Variants in VDAC1 observed in about 807,000 individuals in gnomAD.
VDAC1 encodes non-selective voltage-gated ion channel VDAC1.
A neutral mutation model predicts 34.7 loss-of-function variants in VDAC1; 10 were observed. That is an observed-to-expected ratio of 0.29 (90% confidence interval 0.18 to 0.49). The LOEUF (loss-of-function observed/expected upper bound fraction) is 0.49, where lower values mean the gene tolerates loss of function less well. Ranked by LOEUF, VDAC1 falls within the 20% of genes least tolerant of loss-of-function variation. The pLI is 0.99. For missense variants in VDAC1, 230 were observed against 347.9 expected, an observed-to-expected ratio of 0.66 and a Z score of 2.69; for synonymous variants, 130 against 136.0, an observed-to-expected ratio of 0.96 and a Z score of 0.30.
At chr5:134,105,249 G>A in the VDAC1 span, among the ~76,000 whole-genome samples, 1 of 152,162 alleles carries the variant, frequency 6.6e-6, no homozygotes, top group South Asian at 2.1e-4. Context: ...GTTAAAGGAG[G>A]CCAGGGGAGG....
the VDAC1 span, among the ~76,000 whole-genome samples, chr5:134,079,629 G>A: frequency 6.6e-6 from 1 of 152,206 alleles, no homozygotes; most frequent in Non-Finnish European, 1.5e-5. Flanking sequence ...ATCTAAATTA[G>A]TTGGAGACCT....
intron 6 of VDAC1, among the ~76,000 whole-genome samples, chr5:133,978,106 G>A (rs565927163): frequency 2.2e-4 from 34 of 151,916 alleles, no homozygotes; most frequent in African/African-American, 6.3e-4. Flanking sequence ...CAGGACCTAA[G>A]AACAAAAACT....
intron 6 of VDAC1, 40 bp downstream of exon 6, chr5:133,980,689 A>ACC: frequency 1.8e-6 from 1 of 564,058 alleles, no homozygotes; most frequent in Non-Finnish European, 3.4e-6. Context: ...ACATGCTCCA[A>ACC]CCCCACCCCT....
chr5:134,058,933 C>T, the VDAC1 span, among the ~76,000 whole-genome samples: 1 of 152,234 alleles, frequency 6.6e-6, no homozygotes, highest in African/African-American at 2.4e-5. Flanking sequence ...TCCACCCAGC[C>T]ATCAAGGGTG....
the VDAC1 span, among the ~76,000 whole-genome samples, chr5:134,072,968 C>T: frequency 5.3e-5 from 8 of 152,264 alleles, no homozygotes; most frequent in South Asian, 4.1e-4. Context: ...CATTTAGCTC[C>T]AAAGGGAAGA....
chr5:133,990,292 T>C (rs530842463), intron 5 of VDAC1, among the ~76,000 whole-genome samples: 7 of 152,200 alleles, frequency 4.6e-5, no homozygotes, highest in Non-Finnish European at 8.8e-5. Context: ...GGAGAAGGAC[T>C]TCCATGCCTG....
the VDAC1 span, among the ~76,000 whole-genome samples, chr5:134,025,374 T>C: frequency 6.6e-6 from 1 of 152,096 alleles, no homozygotes; most frequent in South Asian, 2.1e-4. Context: ...TTCACCCCCA[T>C]GAGTCAAACA....
chr5:134,020,086 G>T, the VDAC1 span, among the ~76,000 whole-genome samples: 29 of 152,050 alleles, frequency 1.9e-4, no homozygotes, highest in African/African-American at 6.5e-4. Context: ...GAGAGACTGT[G>T]TGGGGAGGGG....
intron 6 of VDAC1, among the ~76,000 whole-genome samples, chr5:133,977,841 T>C (rs1334827225): frequency 6.6e-6 from 1 of 152,170 alleles, no homozygotes; most frequent in African/African-American, 2.4e-5. Context: ...TCTGTACTGT[T>C]TGATTTTACA....
chr5:134,012,761 CAAA>C, the VDAC1 span, among the ~76,000 whole-genome samples: 1 of 151,452 alleles, frequency 6.6e-6, no homozygotes, highest in East Asian at 1.9e-4. Flanking sequence ...TTATATTAAA[CAAA>C]AAAAAGAGCC....
chr5:134,051,208 G>A, the VDAC1 span, among the ~76,000 whole-genome samples: 7 of 152,314 alleles, frequency 4.6e-5, no homozygotes, highest in Admixed American at 2.6e-4. Context: ...GGAGCCAGGG[G>A]GGCCAGGCCC....
the VDAC1 span, among the ~76,000 whole-genome samples, chr5:134,109,770 CA>C: frequency 0.064 from 8,857 of 137,546 alleles, 189 homozygotes; most frequent in Admixed American, 0.11. Flanking sequence ...GGCTCCATCT[CA>C]AAAAAAAAAA....
At chr5:134,039,539 C>T in the VDAC1 span, among the ~76,000 whole-genome samples, 2 of 152,062 alleles carry the variant, frequency 1.3e-5, no homozygotes, top group Non-Finnish European at 1.5e-5. Context: ...CCGTGTTAGC[C>T]AGGATGGTCT....
the VDAC1 span, among the ~76,000 whole-genome samples, chr5:134,112,727 G>A: frequency 6.6e-6 from 1 of 152,216 alleles, no homozygotes; most frequent in Non-Finnish European, 1.5e-5. Flanking sequence ...CAATAAAGCA[G>A]TAAGGGCATA....
At chr5:133,978,834 GA>G (rs1279116449) in intron 6 of VDAC1, among the ~76,000 whole-genome samples, 1 of 152,032 alleles carries the variant, frequency 6.6e-6, no homozygotes, top group Non-Finnish European at 1.5e-5. Flanking sequence ...GCAACATGGC[GA>G]AATCCTGCCT....
At chr5:133,975,785 G>A in intron 7 of VDAC1, 86 bp downstream of exon 7, 2 of 1,567,344 alleles carry the variant, frequency 1.3e-6, no homozygotes, top group South Asian at 2.4e-5. Context: ...GTAAGCTGAA[G>A]CACAGCACTC....
chr5:134,083,901 G>A, the VDAC1 span, among the ~76,000 whole-genome samples: 3 of 152,226 alleles, frequency 2.0e-5, no homozygotes, highest in South Asian at 2.1e-4. Flanking sequence ...TAAATAAGTC[G>A]AGGTGGAGTG....
chr5:134,000,539 A>G (rs950877247), intron 1 of VDAC1, among the ~76,000 whole-genome samples: 58 of 152,166 alleles, frequency 3.8e-4, no homozygotes, highest in African/African-American at 1.4e-3. Flanking sequence ...CTGGAGCCTC[A>G]CTGCTTGGCT....
chr5:134,012,522 G>C, the VDAC1 span, among the ~76,000 whole-genome samples: 1 of 152,158 alleles, frequency 6.6e-6, no homozygotes, highest in Non-Finnish European at 1.5e-5. Context: ...ATTATCATTA[G>C]GGCAGAGGCC....
Sources: allele counts gnomAD v4.1 joint callset (sites outside exome capture counted in the v4.1 genomes callset), GRCh38; gene constraint gnomAD v4.1.1; transcripts MANE v1.5; gene names NCBI Gene and HGNC (gene_info 2026-07-23, HGNC 2026-07-21).